The following HEATR1 variants were observed in gnomAD, a reference collection of about 807,000 sequenced individuals.
HEATR1 encodes HEAT repeat containing 1, also known as HEAT repeat-containing protein 1.
A neutral mutation model predicts 248.2 loss-of-function variants in HEATR1; 77 were observed. The observed-to-expected ratio is 0.31, with a 90% CI of 0.26 to 0.37. The LOEUF (loss-of-function observed/expected upper bound fraction) is 0.37. HEATR1 is among the 10% of genes least tolerant of loss of function. HEATR1 has a pLI of 1.00. For missense variants in HEATR1, 2,420 were observed against 2,504.9 expected, an observed-to-expected ratio of 0.97 and a Z score of 0.72; for synonymous variants, 897 against 923.1, an observed-to-expected ratio of 0.97 and a Z score of 0.51.
rs760867644 is a variant in HEATR1 at position 236,565,990 on chromosome 1, C to G, written c.4364G>C (p.Ser1455Thr). 2 of 1,613,864 alleles carry G rather than the reference C, an allele frequency of 1.2e-6. No homozygotes were observed. Among genetic ancestry groups the G allele is most frequent in the Admixed American group, 1.7e-5 (1 of 60,020 alleles). Residue 1455 changes from serine to threonine, a missense_variant, in exon 31 of 45, where the codon AGT becomes ACT. Coordinates refer to ENST00000366582, the MANE Select transcript of HEATR1 (RefSeq NM_018072.6). ...CAAGCTTTGTATCTGATGCTGGACA[C>G]TAAACTCACAACAGACTGAAAACCA... Reference protein sequence around the residue: ...EFWFSVCCEFSVQHQIQSLMN... With the variant: ...EFWFSVCCEFTVQHQIQSLMN...
chr1:236,596,134 G>A, intron 6 of HEATR1, 90 bp from the exon 7 acceptor site: 5 of 969,542 alleles, frequency 5.2e-6, no homozygotes, highest in Non-Finnish European at 6.2e-6. Context: ...AAATGTCATA[G>A]AGATTAATAC....
Position 236,569,052 on chromosome 1 carries a change from A to C in HEATR1, c.4021T>G (p.Tyr1341Asp). 1 of 1,610,530 alleles carries C rather than the reference A, an allele frequency of 6.2e-7. No homozygotes were observed. Among genetic ancestry groups the C allele is most frequent in the Non-Finnish European group, 8.5e-7 (1 of 1,178,034 alleles). The change falls in exon 29 of 45, where the codon TAC (tyrosine) becomes GAC (aspartate). Residue 1341 changes from tyrosine (Y) to aspartate (D), a missense_variant. Transcript: ENST00000366582. ...GTCTTGTTAATAACTTGAAAACTGT[A>C]AGTATCATCTAGGCGCATGACATTG... is the stretch of plus-strand genomic sequence containing the variant. ...GANVMRLDDTYSFQVINKTVK... is the reference protein window; with the variant it reads ...GANVMRLDDTDSFQVINKTVK...
In HEATR1 at chr1:236,551,084, G is replaced by A. The variant is rs2254483; in HGVS notation, c.6347-94C>T. ...TAATTCTTAATGCCTTGCACTTTCC[G>A]GCAATCATTCAATCAAAAGAGTGAA... is the stretch of plus-strand genomic sequence containing the variant. On this transcript the variant is annotated intron_variant, in intron 44 of 44. Transcript: ENST00000366582. 626,466 of 960,340 alleles carry A rather than the reference G, an allele frequency of 0.65. 208,562 individuals carry two copies. Among genetic ancestry groups the A allele is most frequent in the Non-Finnish European group, 0.7 (460,202 of 661,400 alleles). The allele number at this position is 960,340 out of a possible 1,614,324, so 59.5% of individuals were successfully genotyped here.
chr1:236,600,503 T>C (rs56221307), intron 3 of HEATR1, among the ~76,000 whole-genome samples: 2,655 of 152,018 alleles, frequency 0.017, 16 homozygotes, highest in Middle Eastern at 0.075. Context: ...CATCGTGTAC[T>C]TTTTTTAAAC....
chr1:236,573,711 G>A (rs573191170), intron 24 of HEATR1, among the ~76,000 whole-genome samples: 1 of 152,188 alleles, frequency 6.6e-6, no homozygotes, highest in East Asian at 1.9e-4. Flanking sequence ...GCTGAATCTA[G>A]ATACTAGAAC....
intron 31 of HEATR1, among the ~76,000 whole-genome samples, chr1:236,565,349 G>A (rs891388207): frequency 6.6e-6 from 1 of 152,088 alleles, no homozygotes; most frequent in Admixed American, 6.5e-5. Flanking sequence ...TAGAGATGGC[G>A]TCTTACTATG....
intron 30 of HEATR1, among the ~76,000 whole-genome samples, chr1:236,566,370 G>C (rs913397004): frequency 6.6e-6 from 1 of 152,094 alleles, no homozygotes; most frequent in Non-Finnish European, 1.5e-5. Flanking sequence ...TACTCTGCTG[G>C]GCTTAAAAGA....
At chr1:236,599,419 C>A in intron 4 of HEATR1, 64 bp downstream of exon 4, 1 of 1,403,958 alleles carries the variant, frequency 7.1e-7, no homozygotes, top group Non-Finnish European at 9.6e-7. Flanking sequence ...CTTATTTTTT[C>A]CTAATTAAAT....
intron 42 of HEATR1, 26 bp downstream of exon 42, chr1:236,554,572 A>C (rs1157915374): frequency 1.2e-6 from 2 of 1,605,498 alleles, no homozygotes; most frequent in Admixed American, 3.5e-5. Flanking sequence ...CTTCCTCAGC[A>C]ACGAAAGATG....
intron 2 of HEATR1, 58 bp from the exon 3 acceptor site, chr1:236,603,434 C>T: frequency 7.1e-7 from 1 of 1,400,094 alleles, no homozygotes; most frequent in Non-Finnish European, 1.0e-6. Context: ...ATTCATCCCA[C>T]CCCTCTTTTA....
intron 9 of HEATR1, among the ~76,000 whole-genome samples, chr1:236,593,254 A>G (rs1664088861): frequency 6.6e-6 from 1 of 152,046 alleles, no homozygotes; most frequent in South Asian, 2.1e-4. Context: ...GCTCATGAGA[A>G]CAGCAATAAA....
At position 236,574,165 on chromosome 1, in the gene HEATR1, CATTA is replaced by C. The variant is rs990516769; in HGVS notation, c.3459+33_3459+36del. On this transcript the variant is annotated intron_variant, in intron 24 of 44. Transcript: ENST00000366582. ...GGTGTCCCTTGGAAGAGACTATAAACATTAATAAAAAAAATTACAAGAAGTTTGC... is the reference window on the plus strand; with the variant it reads ...GGTGTCCCTTGGAAGAGACTATAAACATAAAAAAAATTACAAGAAGTTTGC... 6 of 1,567,116 alleles carry C rather than the reference CATTA, an allele frequency of 3.8e-6. No homozygotes were observed. The Admixed American group carries it at 8.0e-5, about 21-fold the overall frequency.
At chr1:236,571,770 CATTCAATAA>C in intron 26 of HEATR1, 84 bp from the exon 27 acceptor site, 1 of 837,394 alleles carries the variant, frequency 1.2e-6, no homozygotes, top group South Asian at 1.6e-5. Context: ...GTCCAGAACT[CATTCAATAA>C]GGAACTCATT....
At chr1:236,595,774 AT>A in intron 7 of HEATR1, 58 bp downstream of exon 7, 1 of 1,521,040 alleles carries the variant, frequency 6.6e-7, no homozygotes, top group South Asian at 1.2e-5. Context: ...AAAAAAAATT[AT>A]TCAAAATAAT....
At chr1:236,559,314 G>A (rs904595753) in intron 34 of HEATR1, among the ~76,000 whole-genome samples, 179 bp from the exon 35 acceptor site, 2 of 151,936 alleles carry the variant, frequency 1.3e-5, no homozygotes, top group East Asian at 1.9e-4. Context: ...ACACATTATC[G>A]AACAAAACAA....
chr1:236,602,342 G>C (rs1664347531), intron 3 of HEATR1, among the ~76,000 whole-genome samples: 1 of 152,258 alleles, frequency 6.6e-6, no homozygotes, highest in South Asian at 2.1e-4. Flanking sequence ...ATCCCTCTAA[G>C]CCTCAGTTTT....
At chr1:236,577,509 A>G (rs576201460) in intron 20 of HEATR1, among the ~76,000 whole-genome samples, 8 of 135,082 alleles carry the variant, frequency 5.9e-5, no homozygotes, top group South Asian at 4.7e-4. Context: ...TTTTTTTCAG[A>G]TGGAGTTTTC....
chr1:236,596,673 T>A (rs1664184573), intron 6 of HEATR1, among the ~76,000 whole-genome samples, 163 bp downstream of exon 6: 1 of 152,068 alleles, frequency 6.6e-6, no homozygotes, highest in African/African-American at 2.4e-5. Context: ...GGCCAGTGAG[T>A]TTCTAATAAA....
chr1:236,555,616 T>C lies in HEATR1; in HGVS notation c.5689A>G (p.Ile1897Val). 2.5e-6 allele frequency: 4 copies of C among 1,614,230 alleles called. No individual in the cohort carries two copies. The highest frequency in any genetic ancestry group is 1.1e-5 in the South Asian group (1 of 91,076). The change falls in exon 40 of 45, where the codon ATT becomes GTT. Residue 1897 changes from isoleucine (I) to valine (V), a missense_variant. Ile to Val is a conservative substitution (Grantham distance 29). Coordinates refer to ENST00000366582, the MANE Select transcript of HEATR1 (RefSeq NM_018072.6). ...EEVGKTENCI[I>V]DCLVAMVVKL... The stretch of plus-strand genomic sequence containing the variant: ...ACAACCATGGCTACTAGACAGTCAA[T>C]GATACAATTTTCCGTTTTTCCAACT...
Sources: allele counts gnomAD v4.1 joint callset (sites outside exome capture counted in the v4.1 genomes callset), GRCh38; gene constraint gnomAD v4.1.1; transcripts MANE v1.5; gene names NCBI Gene and HGNC (gene_info 2026-07-23, HGNC 2026-07-21).